Variants in ANKIB1 observed in about 807,000 individuals in gnomAD.
The protein encoded by ANKIB1 is ankyrin repeat and IBR domain containing 1.
Under a neutral mutation model 122.1 loss-of-function variants are expected in ANKIB1, and 43 were observed. The ratio of observed to expected loss-of-function variants is 0.35; its 90% CI spans 0.28 to 0.45. ANKIB1 has a LOEUF of 0.45. Among genes scored for constraint, ANKIB1 ranks in the 20% least tolerant of loss-of-function variants. ANKIB1 has a pLI of 1.00. For synonymous variants in ANKIB1, 390 were observed against 442.0 expected (o/e 0.88, Z 1.48); for missense variants, 992 against 1,329.5 (o/e 0.75, Z 3.95).
intron 4 of ANKIB1, chr7:92,319,748 G>A: frequency 2.2e-6 from 1 of 446,438 alleles, no homozygotes; most frequent in Admixed American, 4.3e-5. Flanking sequence ...GACCAGCCTG[G>A]GCTATAGCAA....
At chr7:92,336,362 C>G (rs1244897066) in intron 5 of ANKIB1, among the ~76,000 whole-genome samples, 1 of 151,468 alleles carries the variant, frequency 6.6e-6, no homozygotes, top group Non-Finnish European at 1.5e-5. Flanking sequence ...ACTTAGTTTT[C>G]CTGGCCTTTT....
chr7:92,338,089 CAAAG>C (rs1443197856), intron 5 of ANKIB1, among the ~76,000 whole-genome samples: 21 of 151,836 alleles, frequency 1.4e-4, no homozygotes, highest in Admixed American at 1.2e-3. Context: ...AACGATAAGT[CAAAG>C]AAAAGGGCTT....
At chr7:92,291,927 C>T (rs1468361350) in intron 1 of ANKIB1, among the ~76,000 whole-genome samples, 11 of 152,222 alleles carry the variant, frequency 7.2e-5, no homozygotes, top group South Asian at 6.2e-4. Flanking sequence ...CTGTGCTTTA[C>T]TACTCAAAGA....
At chr7:92,360,022 G>A (rs1803908051) in intron 9 of ANKIB1, among the ~76,000 whole-genome samples, 1 of 152,170 alleles carries the variant, frequency 6.6e-6, no homozygotes, top group African/African-American at 2.4e-5. Context: ...CAGATTAGAT[G>A]ATAAGTCAGG....
chr7:92,266,944 C>T (rs576537987), intron 1 of ANKIB1, among the ~76,000 whole-genome samples: 1 of 152,252 alleles, frequency 6.6e-6, no homozygotes, highest in East Asian at 1.9e-4. Context: ...TTCATTATAG[C>T]GCAGTGGGTA....
At chr7:92,378,044 TCTTA>T in intron 11 of ANKIB1, among the ~76,000 whole-genome samples, 1 of 152,198 alleles carries the variant, frequency 6.6e-6, no homozygotes, top group East Asian at 1.9e-4. Context: ...TGTGGATTAT[TCTTA>T]CTTGTAAAAG....
intron 4 of ANKIB1, among the ~76,000 whole-genome samples, chr7:92,326,484 A>C (rs568056753): frequency 3.3e-5 from 5 of 152,198 alleles, no homozygotes; most frequent in Non-Finnish European, 5.9e-5. Flanking sequence ...CAGGAAATAC[A>C]CAGTTGCCAC....
At chr7:92,382,941 TG>T (rs1367619825) in intron 11 of ANKIB1, among the ~76,000 whole-genome samples, 2 of 152,032 alleles carry the variant, frequency 1.3e-5, no homozygotes, top group African/African-American at 4.8e-5. Context: ...AAAAAATCAA[TG>T]AGTCCAGGAG....
At chr7:92,260,046 A>G (rs778776014) in intron 1 of ANKIB1, among the ~76,000 whole-genome samples, 4 of 152,188 alleles carry the variant, frequency 2.6e-5, no homozygotes, top group Non-Finnish European at 4.4e-5. Context: ...TAGTCTTCTT[A>G]ACAGACAGCT....
At chr7:92,388,656 G>A (rs1046438549) in intron 14 of ANKIB1, among the ~76,000 whole-genome samples, 2 of 152,160 alleles carry the variant, frequency 1.3e-5, no homozygotes, top group African/African-American at 2.4e-5. Context: ...GCAGGTTCTG[G>A]TATGTTTGTT....
At chr7:92,290,281 A>G (rs532465235) in intron 1 of ANKIB1, among the ~76,000 whole-genome samples, 1 of 152,288 alleles carries the variant, frequency 6.6e-6, no homozygotes, top group African/African-American at 2.4e-5. Context: ...CTGTTTCTCT[A>G]CTGGCTAAAG....
intron 9 of ANKIB1, among the ~76,000 whole-genome samples, chr7:92,356,749 A>G (rs1803822606): frequency 6.6e-6 from 1 of 152,216 alleles, no homozygotes; most frequent in South Asian, 2.1e-4. Flanking sequence ...ATTTAGCTTC[A>G]AATTTTAGCT....
chr7:92,332,182 CTGT>C (rs1392972732), intron 5 of ANKIB1, among the ~76,000 whole-genome samples: 2 of 152,264 alleles, frequency 1.3e-5, no homozygotes, highest in African/African-American at 4.8e-5. Flanking sequence ...CATCTCTTCT[CTGT>C]TGTTTAGGTG....
chr7:92,375,504 C>T (rs1232482636), intron 11 of ANKIB1, among the ~76,000 whole-genome samples: 1 of 152,176 alleles, frequency 6.6e-6, no homozygotes, highest in African/African-American at 2.4e-5. Context: ...CTTTGCTTAT[C>T]CGTAAGAAAC....
chr7:92,319,647 G>A (rs749449012), intron 4 of ANKIB1, 135 bp downstream of exon 4: 6 of 903,312 alleles, frequency 6.6e-6, no homozygotes, highest in Non-Finnish European at 8.2e-6. Context: ...CATCTTCATA[G>A]CCATAAAGTA....
intron 2 of ANKIB1, among the ~76,000 whole-genome samples, chr7:92,302,605 T>C (rs1025683155): frequency 3.3e-5 from 5 of 152,236 alleles, no homozygotes; most frequent in African/African-American, 4.8e-5. Context: ...AATTCATTAG[T>C]TGTATCTTCT....
intron 5 of ANKIB1, among the ~76,000 whole-genome samples, chr7:92,335,397 C>T (rs1240582480): frequency 2.0e-5 from 3 of 151,858 alleles, no homozygotes; most frequent in African/African-American, 7.2e-5. Flanking sequence ...TAATTAAGGT[C>T]AGTAGTGTTC....
chr7:92,334,833 T>A lies in ANKIB1; in HGVS notation c.787+6933T>A, dbSNP rs190339883. On this transcript the variant is annotated intron_variant, in intron 5 of 19. Transcript: ENST00000265742. ...ATTATATAAACATACCATACTCTGT[T>A]GCTGTTTGCACCATTTTTTTCTTTT... is the stretch of plus-strand genomic sequence containing the variant. Among the ~76,000 whole-genome samples the A allele has an allele frequency of 2.3e-3, 357 of 152,104 alleles. 1 individual carries two copies. Among genetic ancestry groups the A allele is most frequent in the African/African-American group, 8.1e-3 (335 of 41,574 alleles).
chr7:92,387,568 G>A (rs534558628), intron 12 of ANKIB1, among the ~76,000 whole-genome samples: 41 of 151,958 alleles, frequency 2.7e-4, no homozygotes, highest in African/African-American at 4.1e-4. Context: ...CCTGGGAGGC[G>A]GAGGTTTGTG....
Sources: gnomAD v4.1 joint callset for allele counts (sites outside exome capture counted in the v4.1 genomes callset) on GRCh38, gnomAD v4.1.1 for gene constraint, MANE v1.5 for transcripts, NCBI Gene and HGNC (gene_info 2026-07-23, HGNC 2026-07-21) for gene names.